MAPK13: variants seen among roughly 807,000 people sequenced by gnomAD.
The protein encoded by MAPK13 is MAP kinase 13.
Under a neutral mutation model 53.5 loss-of-function variants are expected in MAPK13, and 39 were observed. That is an observed-to-expected ratio of 0.73 (90% CI 0.56 to 0.95). The LOEUF is 0.95. Ranked by LOEUF, MAPK13 falls within the 40% of genes least tolerant of loss-of-function variation. The pLI, the probability that MAPK13 is intolerant of heterozygous loss-of-function variation, is 0.00. For missense variants in MAPK13, 460 were observed against 471.8 expected, an observed-to-expected ratio of 0.98 and a Z score of 0.23; for synonymous variants, 179 against 190.9, an observed-to-expected ratio of 0.94 and a Z score of 0.51.
intron 3 of MAPK13, among the ~76,000 whole-genome samples, chr6:36,134,891 G>A (rs1766385660): frequency 2.0e-5 from 3 of 152,200 alleles, no homozygotes; most frequent in Admixed American, 1.3e-4. Flanking sequence ...GCGTGCACCT[G>A]TAGTTGTAGC....
Position 36,130,712 on chromosome 6 carries a change from T to C in MAPK13, c.119+11T>C, listed in dbSNP as rs751109143. 23 of 922,730 alleles carry C rather than the reference T, an allele frequency of 2.5e-5. No homozygotes were observed. Among genetic ancestry groups the C allele is most frequent in the Non-Finnish European group, 3.4e-5 (21 of 626,728 alleles). 57.2% of individuals were successfully genotyped at this position (922,730 alleles called of 1,614,324 possible). ...CTATGGCTCCGTGTGGTGAGACCCC[T>C]GGGCCGCTGGGGGGCGGGGGGCGGG... is the stretch of plus-strand genomic sequence containing the variant. On this transcript the variant is annotated intron_variant, in intron 1 of 11. Coordinates refer to ENST00000211287, the MANE Select transcript of MAPK13 (RefSeq NM_002754.5). This position sits in a 1 kb window ranked among gnomAD's most constrained non-coding sequence, Gnocchi z 4.5.
At chr6:36,133,887 TGA>T (rs1431825122) in intron 3 of MAPK13, among the ~76,000 whole-genome samples, 1 of 151,966 alleles carries the variant, frequency 6.6e-6, no homozygotes, top group Non-Finnish European at 1.5e-5. Context: ...AGCAAAGAAT[TGA>T]GAGGGAGTTT....
In MAPK13 at chr6:36,132,664, GC is replaced by G; in HGVS notation, c.294del (p.Asn99ThrfsTer8). ...GTCTTCACCCCAGCCTCCTCCCTGC[GC>G]AACTTCTATGACTTGTGAGTTGGGC... ...LDVFTPASSL[R>X]NFYDFYLVMP... is the part of the protein sequence containing the mutation. On this transcript the variant is annotated frameshift_variant, in exon 3 of 12. Coordinates refer to ENST00000211287, the MANE Select transcript of MAPK13 (RefSeq NM_002754.5). LOFTEE classifies it high-confidence loss of function. 1 of 1,614,182 alleles carries G rather than the reference GC, an allele frequency of 6.2e-7. No homozygotes were observed. The highest frequency in any genetic ancestry group is 8.5e-7 in the Non-Finnish European group (1 of 1,180,024).
At chr6:36,137,414 C>A (rs1766438943) in intron 8 of MAPK13, among the ~76,000 whole-genome samples, 1 of 152,094 alleles carries the variant, frequency 6.6e-6, no homozygotes, top group Admixed American at 6.5e-5. Flanking sequence ...ACTCAGGAGG[C>A]TGAGGCAGGA....
At chr6:36,137,106 A>T (rs538169040) in intron 8 of MAPK13, among the ~76,000 whole-genome samples, 156 bp downstream of exon 8, 1 of 152,334 alleles carries the variant, frequency 6.6e-6, no homozygotes, top group Admixed American at 6.5e-5. Context: ...GCAGTGGTTC[A>T]TGCCTGTAAT....
At chr6:36,132,955 T>C (rs2071864) in intron 3 of MAPK13, among the ~76,000 whole-genome samples, 58,504 of 152,046 alleles carry the variant, frequency 0.38, 12,680 homozygotes, top group East Asian at 0.69. Flanking sequence ...TTTAACACCA[T>C]GAAGACACAT....
At chr6:36,134,586 T>TG (rs1465790488) in intron 3 of MAPK13, among the ~76,000 whole-genome samples, 2 of 152,162 alleles carry the variant, frequency 1.3e-5, no homozygotes, top group Non-Finnish European at 1.5e-5. Context: ...TTTATAGATA[T>TG]GGGGTCTCAC....
rs910333541 is a variant in MAPK13 at position 36,140,785 on chromosome 6, T to A, written c.*1412T>A. ...GAGGCTCAGAAAGCTTTTTTTTGTT[T>A]GTTTGTTTGAGACAGGGTCTGGCTC... On this transcript the variant is annotated 3_prime_UTR_variant, in exon 12 of 12. Transcript: ENST00000211287. 6.6e-6 allele frequency: 1 copy of A among 152,286 alleles called. No individual in the cohort carries two copies. Among genetic ancestry groups the A allele is most frequent in the Non-Finnish European group, 1.5e-5 (1 of 68,072 alleles). 9.4% of individuals were successfully genotyped at this position (152,286 alleles called of 1,614,324 possible).
At chr6:36,138,802 C>A in intron 10 of MAPK13, 22 bp downstream of exon 10, 1 of 1,614,046 alleles carries the variant, frequency 6.2e-7, no homozygotes, top group Non-Finnish European at 8.5e-7. Context: ...AGCCCGCTCC[C>A]CAGGGGCCTC....
intron 3 of MAPK13, 102 bp from the exon 4 acceptor site, chr6:36,135,651 T>G (rs1581882748): frequency 6.9e-6 from 5 of 719,834 alleles, no homozygotes; most frequent in Non-Finnish European, 1.2e-5. Context: ...CACTGGAGGG[T>G]GTCTCTATGA....
At chr6:36,135,274 T>A (rs1306284084) in intron 3 of MAPK13, among the ~76,000 whole-genome samples, 6 of 152,210 alleles carry the variant, frequency 3.9e-5, no homozygotes, top group Admixed American at 3.9e-4. Context: ...ATCTCCCTCT[T>A]CCACCCTCCT....
rs1334738087 is a variant in MAPK13 at position 36,140,209 on chromosome 6, G to A, written c.*836G>A. On this transcript the variant is annotated 3_prime_UTR_variant, in exon 12 of 12. Coordinates refer to ENST00000211287, the MANE Select transcript of MAPK13 (RefSeq NM_002754.5). ...TAAGGGAGTTGCAGAGAGAGCTGCAGCTGGTGCGATTGCATTCAGGTTATT... is the reference window on the plus strand; with the variant it reads ...TAAGGGAGTTGCAGAGAGAGCTGCAACTGGTGCGATTGCATTCAGGTTATT... 1.3e-5 allele frequency: 2 copies of A among 152,286 alleles called. No individual in the cohort carries two copies. The highest frequency in any genetic ancestry group is 2.9e-5 in the Non-Finnish European group (2 of 68,056). 9.4% of individuals were successfully genotyped at this position (152,286 alleles called of 1,614,324 possible).
Position 36,143,278 on chromosome 6 carries a change from G to A in MAPK13, c.*3905G>A, listed in dbSNP as rs1766568032. ...TTGGGGTGGTGCTGCCCCCAGTGAG[G>A]GGCAGCACAAGGGGAGACAGAAATG... On this transcript the variant is annotated 3_prime_UTR_variant, in exon 12 of 12. Coordinates refer to ENST00000211287, the MANE Select transcript of MAPK13 (RefSeq NM_002754.5). The A allele has an allele frequency of 6.6e-6, 1 of 152,144 alleles. No homozygotes were observed. Among genetic ancestry groups the A allele is most frequent in the Non-Finnish European group, 1.5e-5 (1 of 68,048 alleles). The allele number at this position is 152,144 out of a possible 1,614,324, so 9.4% of individuals were successfully genotyped here.
In MAPK13 at chr6:36,130,742, A is replaced by G. The variant is rs748420006; in HGVS notation, c.119+41A>G. Reference sequence around the variant, plus strand: ...CGCTGGGGGGCGGGGGGCGGGCGCCAGGCTCTCCCCTTTCCGCCCAGCCCG... The same window carrying G: ...CGCTGGGGGGCGGGGGGCGGGCGCCGGGCTCTCCCCTTTCCGCCCAGCCCG... On this transcript the variant is annotated intron_variant, in intron 1 of 11. Transcript: ENST00000211287. The surrounding 1 kb of genome is among the most constrained non-coding windows in gnomAD (Gnocchi z 4.5). 8.3e-4 allele frequency: 567 copies of G among 679,548 alleles called. No homozygotes were observed. The highest frequency in any genetic ancestry group is 1.4e-3 in the Middle Eastern group (3 of 2,122). The allele number at this position is 679,548 out of a possible 1,614,324, so 42.1% of individuals were successfully genotyped here.
chr6:36,134,225 G>A (rs1032508605), intron 3 of MAPK13, among the ~76,000 whole-genome samples: 2 of 152,050 alleles, frequency 1.3e-5, no homozygotes, highest in African/African-American at 4.8e-5. Flanking sequence ...AGGGGACTGG[G>A]CATGGAGAGG....
chr6:36,139,050 G>A lies in MAPK13; in HGVS notation c.1013G>A (p.Trp338Ter). The A allele has an allele frequency of 6.3e-7, 1 of 1,594,668 alleles. No individual in the cohort carries two copies. The highest frequency in any genetic ancestry group is 8.5e-7 in the Non-Finnish European group (1 of 1,172,026). ...LEHEKLTVDE[W>*]KQHIYKEIVN... ...CACGAGAAACTCACAGTGGATGAATGGAAGCGTAAGAGCTGGGGCCTCGGG... is the reference window on the plus strand; with the variant it reads ...CACGAGAAACTCACAGTGGATGAATAGAAGCGTAAGAGCTGGGGCCTCGGG... The change falls in exon 11 of 12, where the codon TGG becomes TAG. Residue 338 changes from tryptophan to a stop codon, truncating the protein, a stop_gained. Transcript: ENST00000211287. LOFTEE classifies it high-confidence loss of function.
rs1401623595 is a variant in MAPK13, at chr6:36,142,296, C to T, written c.*2923C>T. The stretch of plus-strand genomic sequence containing the variant: ...TCTCCCAACAGCATGACACACATAG[C>T]CTTTTTTGCCCAGTGCAGCCCAGTG... On this transcript the variant is annotated 3_prime_UTR_variant, in exon 12 of 12. Transcript: ENST00000211287. This position sits in a 1 kb window ranked among gnomAD's most constrained non-coding sequence, Gnocchi z 4.4. 6.6e-6 allele frequency: 1 copy of T among 152,416 alleles called. No homozygotes were observed. The highest frequency in any genetic ancestry group is 6.5e-5 in the Admixed American group (1 of 15,288). The allele number at this position is 152,416 out of a possible 1,614,324, so 9.4% of individuals were successfully genotyped here.
rs1561791455 is a variant in MAPK13, at chr6:36,139,009, T to G, written c.972T>G (p.Phe324Leu). The part of the protein sequence containing the change: ...PEEETEAQQP[F>L]DDSLEHEKLT... ...AAGAGACGGAGGCCCAGCAGCCGTT[T>G]GATGATTCCTTAGAACACGAGAAAC... Residue 324 changes from phenylalanine to leucine, a missense_variant, in exon 11 of 12, where the codon TTT (phenylalanine) becomes TTG (leucine). Phe to Leu is a conservative substitution (Grantham distance 22). Coordinates refer to ENST00000211287, the MANE Select transcript of MAPK13 (RefSeq NM_002754.5). 4.3e-6 allele frequency: 7 copies of G among 1,612,786 alleles called. No homozygotes were observed. The highest frequency in any genetic ancestry group is 5.9e-6 in the Non-Finnish European group (7 of 1,179,612).
rs140256527 is a variant in MAPK13 at position 36,130,697 on chromosome 6, G to A, written c.115G>A (p.Val39Met). 11 of 1,440,004 alleles carry A rather than the reference G, an allele frequency of 7.6e-6. No homozygotes were observed. The highest frequency in any genetic ancestry group is 1.9e-4 in the Middle Eastern group (1 of 5,274). The allele number at this position is 1,440,004 out of a possible 1,614,324, so 89.2% of individuals were successfully genotyped here. ...CGTCGGCAGCGGGGCCTATGGCTCCGTGTGGTGAGACCCCTGGGCCGCTGG... is the reference window on the plus strand; with the variant it reads ...CGTCGGCAGCGGGGCCTATGGCTCCATGTGGTGAGACCCCTGGGCCGCTGG... Reference protein sequence around the residue: ...THVGSGAYGSVCSAIDKRSGE... With the variant: ...THVGSGAYGSMCSAIDKRSGE... Residue 39 changes from valine to methionine, a missense_variant, in exon 1 of 12, where the codon GTG becomes ATG. By Grantham distance (21) the Val-to-Met change is conservative. Transcript: ENST00000211287. This position sits in a 1 kb window ranked among gnomAD's most constrained non-coding sequence, Gnocchi z 4.5.
Sources: gnomAD v4.1 joint callset for allele counts (sites outside exome capture counted in the v4.1 genomes callset) on GRCh38, gnomAD v4.1.1 for gene constraint, Gnocchi (gnomAD v3.1) non-coding constraint, MANE v1.5 for transcripts, NCBI Gene and HGNC (gene_info 2026-07-23, HGNC 2026-07-21) for gene names.